Variants in MUC4 observed in about 807,000 individuals in gnomAD.
The protein encoded by MUC4 is mucin 4, cell surface associated.
In MUC4, 202 loss-of-function variants were observed where a neutral mutation model predicts 257.9. The observed-to-expected ratio is 0.78, with a 90% CI of 0.70 to 0.88. The LOEUF is 0.88. Ranked by LOEUF, MUC4 falls within the 40% of genes least tolerant of loss-of-function variation. The pLI is 0.00. For missense variants in MUC4, 5,976 were observed against 6,513.7 expected (o/e 0.92, Z 2.84); for synonymous variants, 2,351 against 2,757.1 (o/e 0.85, Z 4.62).
chr3:195,763,996 A>T, intron 11 of MUC4, 49 bp downstream of exon 11: 1 of 1,575,216 alleles, frequency 6.3e-7, no homozygotes, highest in Non-Finnish European at 8.6e-7. Context: ...GAAGCCCAGA[A>T]GCTCCCCCTC....
chr3:195,746,905 TGC>T lies in MUC4; in HGVS notation c.*269_*270del, dbSNP rs2148731161. 3.6e-6 allele frequency: 2 copies of T among 550,010 alleles called. No individual in the cohort carries two copies. Among genetic ancestry groups the T allele is most frequent in the East Asian group, 2.9e-5 (1 of 34,026 alleles). 34.1% of individuals were successfully genotyped at this position (550,010 alleles called of 1,614,324 possible). A position where few individuals can be genotyped will look rare whatever the true frequency, so the allele number is the denominator to read the frequency against. On this transcript the variant is annotated 3_prime_UTR_variant, in exon 25 of 25. Transcript: ENST00000463781. ...GAACTCGTGTGTGTGTGTGTGTGTG[TGC>T]ACGCGCGCGTGCACAGGCTAGTGTC... is the stretch of plus-strand genomic sequence containing the variant.
chr3:195,756,489 A>G (rs1271488364), intron 18 of MUC4, among the ~76,000 whole-genome samples: 1 of 152,160 alleles, frequency 6.6e-6, no homozygotes, highest in East Asian at 1.9e-4. Context: ...ACTATAAGCA[A>G]TAAAGTAAGG....
In MUC4 at chr3:195,790,468, G is replaced by A; in HGVS notation, c.1112C>T (p.Pro371Leu). 1 of 1,613,998 alleles carries A rather than the reference G, an allele frequency of 6.2e-7. No homozygotes were observed. The highest frequency in any genetic ancestry group is 8.5e-7 in the Non-Finnish European group (1 of 1,179,864). Residue 371 changes from proline to leucine, a missense_variant, in exon 2 of 25, where the codon CCT becomes CTT. Physicochemically the swap from Pro to Leu is moderately conservative, Grantham distance 98. Coordinates refer to ENST00000463781, the MANE Select transcript of MUC4 (RefSeq NM_018406.7). ...PSGTVSQETF[P>L]SGETTTSSPS... ...GGATGAGGTGGTTGTTTCACCAGAA[G>A]GGAATGTCTCCTGAGAAACTGTTCC... is the stretch of plus-strand genomic sequence containing the variant.
chr3:195,767,724 CCAT>C (rs1560264055), intron 7 of MUC4, among the ~76,000 whole-genome samples: 7 of 4,268 alleles, frequency 1.6e-3, no homozygotes, highest in Admixed American at 2.5e-3. Flanking sequence ...GCCACCACCA[CCAT>C]CACCACCACC....
rs770035281 is a variant in MUC4, at chr3:195,777,885, C to T, written c.12943+418G>A. On this transcript the variant is annotated intron_variant, in intron 3 of 24. Transcript: ENST00000463781. Reference sequence around the variant, plus strand: ...CCTTCCACACCCATACCTTCCACACCCATACCTTCCACAGCCATACCTTCC... The same window carrying T: ...CCTTCCACACCCATACCTTCCACACTCATACCTTCCACAGCCATACCTTCC... Among the ~76,000 whole-genome samples, 33 of 78,032 alleles carry T rather than the reference C, an allele frequency of 4.2e-4. 6 individuals are homozygous for T. Among genetic ancestry groups the T allele is most frequent in the African/African-American group, 6.0e-4 (14 of 23,192 alleles). The allele number at this position is 78,032 out of a possible 152,430, so 51.2% of individuals were successfully genotyped here. A position where few individuals can be genotyped will look rare whatever the true frequency, so the allele number is the denominator to read the frequency against.
chr3:195,765,280 G>A lies in MUC4; in HGVS notation c.13788C>T (p.Pro4596=), dbSNP rs780907481. ...GGAAGGAGGTGTCACCTATGCTGACGGGTTGGAATCGTAAGTCCCGTCGTC... is the reference window on the plus strand; with the variant it reads ...GGAAGGAGGTGTCACCTATGCTGACAGGTTGGAATCGTAAGTCCCGTCGTC... ...QQGRRDLRFQ[P]VSIGRWGLGS... is the part of the protein sequence containing the mutation. The change falls in exon 9 of 25, where the codon CCC becomes CCT. Residue 4596 remains proline (P), a synonymous_variant. Transcript: ENST00000463781. 108 of 1,612,050 alleles carry A rather than the reference G, an allele frequency of 6.7e-5. 1 individual carries two copies. The Middle Eastern group carries it at 4.6e-3, about 68-fold the overall frequency.
chr3:195,802,772 C>T (rs189448046), intron 1 of MUC4, among the ~76,000 whole-genome samples: 3 of 152,288 alleles, frequency 2.0e-5, no homozygotes, highest in Admixed American at 6.5e-5. Context: ...GAAATGGCCA[C>T]GCCAAGGGAT....
rs1578137154 is a variant in MUC4, at chr3:195,774,179, G to A, written c.13070C>T (p.Ser4357Phe). 1 of 1,608,090 alleles carries A rather than the reference G, an allele frequency of 6.2e-7. No individual in the cohort carries two copies. The highest frequency in any genetic ancestry group is 8.5e-7 in the Non-Finnish European group (1 of 1,177,530). Reference sequence around the variant, plus strand: ...GCCGCAGCCCGGACTCACGTAGAGGGAATCACGGAGAGAGGAGCCAAGGGG... The same window carrying A: ...GCCGCAGCCCGGACTCACGTAGAGGAAATCACGGAGAGAGGAGCCAAGGGG... ...GFPLGSSLRD[S>F]LYFTDNGQII... Residue 4357 changes from serine to phenylalanine, a missense_variant, in exon 4 of 25, where the codon TCC (serine) becomes TTC (phenylalanine). Ser to Phe is a radical substitution (Grantham distance 155). Transcript: ENST00000463781.
rs1378784334 is a variant in MUC4, at chr3:195,807,868, G to A, written c.82+3868C>T. Among the ~76,000 whole-genome samples the A allele has an allele frequency of 2.6e-5, 4 of 152,232 alleles. No homozygotes were observed. The South Asian group carries it at 6.2e-4, about 24-fold the overall frequency. ...AGCAATGAAGACACAAATCACTTGC[G>A]TGTCAAGCACTGCCAGGCCAGCCTC... On this transcript the variant is annotated intron_variant, in intron 1 of 24. Coordinates refer to ENST00000463781, the MANE Select transcript of MUC4 (RefSeq NM_018406.7).
rs372694749 is a variant in MUC4, at chr3:195,747,396, G to T, written c.16035-16C>A. On this transcript the variant is annotated splice_polypyrimidine_tract_variant and intron_variant, in intron 24 of 24. Coordinates refer to ENST00000463781, the MANE Select transcript of MUC4 (RefSeq NM_018406.7). ...GGACACACAGCTGGTGACCAAGAGA[G>T]ACAGACAGGCGGTCAGAGGCGGGAG... 4 of 1,612,536 alleles carry T rather than the reference G, an allele frequency of 2.5e-6. No homozygotes were observed. The South Asian group carries it at 4.4e-5, about 18-fold the overall frequency.
intron 21 of MUC4, chr3:195,751,505 C>T (rs977373950): frequency 8.4e-6 from 5 of 594,258 alleles, no homozygotes; most frequent in Non-Finnish European, 1.5e-5. Context: ...TTCTGTCCCC[C>T]CCTCAGCCTC....
chr3:195,749,293 C>T (rs1715857926), intron 23 of MUC4, among the ~76,000 whole-genome samples: 1 of 69,946 alleles, frequency 1.4e-5, no homozygotes, highest in East Asian at 1.5e-3. Context: ...GATGGTGCTT[C>T]CTATGGAAAA....
Position 195,754,193 on chromosome 3 carries a change from A to G in MUC4, c.15328+20T>C. The G allele has an allele frequency of 6.2e-7, 1 of 1,602,104 alleles. No homozygotes were observed. The highest frequency in any genetic ancestry group is 1.1e-5 in the South Asian group (1 of 89,810). On this transcript the variant is annotated intron_variant, in intron 19 of 24. Coordinates refer to ENST00000463781, the MANE Select transcript of MUC4 (RefSeq NM_018406.7). ...AGCTGCTCCCAGAAGCGCCTGCTCCAGGCCCTGTTCCCGGCTCACCCGCAC... is the reference window on the plus strand; with the variant it reads ...AGCTGCTCCCAGAAGCGCCTGCTCCGGGCCCTGTTCCCGGCTCACCCGCAC...
At chr3:195,766,627 G>C in intron 8 of MUC4, 36 bp downstream of exon 8, 1 of 1,592,308 alleles carries the variant, frequency 6.3e-7, no homozygotes. Flanking sequence ...GCGAGGGCTT[G>C]AGACCAGCTC....
chr3:195,778,576 T>C, intron 2 of MUC4, 121 bp from the exon 3 acceptor site: 2 of 1,394,356 alleles, frequency 1.4e-6, no homozygotes, highest in South Asian at 2.7e-5. Flanking sequence ...TCTCCCCTGC[T>C]CATATCCAAA....
At position 195,779,918 on chromosome 3, in the gene MUC4, GGGTGGTGT is replaced by G. The variant is rs1726550620; in HGVS notation, c.11654_11661del (p.Asp3885AlafsTer30). ...GAGGAAGTGTCGGTGACAGGAAGAG[GGGTGGTGT>G]CACCTGTGGAAGCTGAGGAAAGGCC... On this transcript the variant is annotated frameshift_variant, in exon 2 of 25. Transcript: ENST00000463781. LOFTEE classifies it high-confidence loss of function. 1 of 1,421,098 alleles carries G rather than the reference GGGTGGTGT, an allele frequency of 7.0e-7. No individual in the cohort carries two copies. Among genetic ancestry groups the G allele is most frequent in the African/African-American group, 2.1e-5 (1 of 48,150 alleles). The allele number at this position is 1,421,098 out of a possible 1,614,324, so 88.0% of individuals were successfully genotyped here. A position where few individuals can be genotyped will look rare whatever the true frequency, so the allele number is the denominator to read the frequency against.
intron 24 of MUC4, among the ~76,000 whole-genome samples, chr3:195,747,805 G>A (rs1715359125): frequency 6.6e-6 from 1 of 152,274 alleles, no homozygotes; most frequent in African/African-American, 2.4e-5. Flanking sequence ...AGGTTGCAGT[G>A]AGCCGAGATT....
In MUC4 at chr3:195,766,692, C is replaced by T. The variant is rs372141143; in HGVS notation, c.13589G>A (p.Arg4530His). The change falls in exon 8 of 25, where the codon CGC becomes CAC. Residue 4530 changes from arginine (R) to histidine (H), a missense_variant. Coordinates refer to ENST00000463781, the MANE Select transcript of MUC4 (RefSeq NM_018406.7). ...LMSQPVWERY[R>H]PDRFLNSNSG... Reference sequence around the variant, plus strand: ...GTTGGAATTCAGGAATCTATCAGGGCGATACCTCTCCCACACTGGCTGGGA... The same window carrying T: ...GTTGGAATTCAGGAATCTATCAGGGTGATACCTCTCCCACACTGGCTGGGA... 1.4e-5 allele frequency: 22 copies of T among 1,614,028 alleles called. No homozygotes were observed. Among genetic ancestry groups the T allele is most frequent in the East Asian group, 4.5e-5 (2 of 44,892 alleles).
intron 1 of MUC4, among the ~76,000 whole-genome samples, chr3:195,806,357 G>A (rs1735987536): frequency 6.6e-6 from 1 of 152,162 alleles, no homozygotes; most frequent in Non-Finnish European, 1.5e-5. Context: ...TGACTTGTCA[G>A]TCAGATGCAC....
Sources: allele counts gnomAD v4.1 joint callset (sites outside exome capture counted in the v4.1 genomes callset), GRCh38; gene constraint gnomAD v4.1.1; transcripts MANE v1.5; gene names NCBI Gene and HGNC (gene_info 2026-07-23, HGNC 2026-07-21).